SP4: variants seen among roughly 807,000 people sequenced by gnomAD.
SP4 encodes Sp4 transcription factor.
Under a neutral mutation model 72.8 loss-of-function variants are expected in SP4, and 19 were observed. That is an observed-to-expected ratio of 0.26 (90% CI 0.18 to 0.38). The LOEUF (loss-of-function observed/expected upper bound fraction) is 0.38, where lower values mean the gene tolerates loss of function less well. SP4 is among the 10% of genes least tolerant of loss of function. The pLI is 1.00. For synonymous variants in SP4, 395 were observed against 333.1 expected (o/e 1.19, Z -2.02); for missense variants, 1,008 against 926.3 (o/e 1.09, Z -1.14).
chr7:21,455,658 G>C (rs541906067), intron 3 of SP4, among the ~76,000 whole-genome samples: 3 of 152,262 alleles, frequency 2.0e-5, no homozygotes, highest in South Asian at 4.2e-4. Flanking sequence ...CATCCTTGGG[G>C]TTACGGAATG....
rs1377052627 is a variant in SP4 at position 21,477,114 on chromosome 7, C to A, written c.1714C>A (p.Gln572Lys). The change falls in exon 4 of 6, where the codon CAA (glutamine) becomes AAA (lysine). Residue 572 changes from glutamine to lysine, a missense_variant. Gln to Lys is a moderately conservative substitution (Grantham distance 53). Transcript: ENST00000222584. ...AGGACAAGATGGAGTAAAAGTCCAG[C>A]AAGCTACTATAGCTCCTGTAACTGT... is the stretch of plus-strand genomic sequence containing the variant. The part of the protein sequence containing the change: ...QQGQDGVKVQ[Q>K]ATIAPVTVAV... 1.2e-6 allele frequency: 2 copies of A among 1,613,862 alleles called. No homozygotes were observed. The highest frequency in any genetic ancestry group is 2.7e-5 in the African/African-American group (2 of 74,878).
chr7:21,472,140 A>G (rs538523451), intron 3 of SP4, among the ~76,000 whole-genome samples: 1 of 152,296 alleles, frequency 6.6e-6, no homozygotes, highest in East Asian at 1.9e-4. Context: ...GAAGGCACAG[A>G]TCTGTGAGTT....
At chr7:21,477,794 G>GC (rs1784551204) in intron 4 of SP4, among the ~76,000 whole-genome samples, 1 of 152,096 alleles carries the variant, frequency 6.6e-6, no homozygotes, top group Non-Finnish European at 1.5e-5. Flanking sequence ...ACCCACCTCA[G>GC]CCCCCCAAGT....
At chr7:21,507,216 T>C (rs1451527684) in intron 5 of SP4, among the ~76,000 whole-genome samples, 1 of 152,214 alleles carries the variant, frequency 6.6e-6, no homozygotes, top group Non-Finnish European at 1.5e-5. Flanking sequence ...ATTTCAATAC[T>C]TGCAAGAGGA....
chr7:21,431,544 A>G (rs1346120586), intron 3 of SP4, among the ~76,000 whole-genome samples: 1 of 152,240 alleles, frequency 6.6e-6, no homozygotes, highest in Admixed American at 6.5e-5. Context: ...GTGGAAAGCA[A>G]TGAAAAATGT....
At chr7:21,428,298 C>A in intron 1 of SP4, 40 bp downstream of exon 1, 1 of 1,148,428 alleles carries the variant, frequency 8.7e-7, no homozygotes, top group Non-Finnish European at 1.3e-6. Context: ...TTCGCCGCCT[C>A]CCTCTCTCCC....
chr7:21,470,741 T>C (rs1784309695), intron 3 of SP4, among the ~76,000 whole-genome samples: 1 of 127,140 alleles, frequency 7.9e-6, no homozygotes, highest in Admixed American at 8.9e-5. Context: ...GCCCAGTTTC[T>C]ATATTTGGAA....
At chr7:21,450,460 C>T (rs142711247) in intron 3 of SP4, among the ~76,000 whole-genome samples, 30 of 151,724 alleles carry the variant, frequency 2.0e-4, no homozygotes, top group African/African-American at 7.0e-4. Flanking sequence ...TTTCATTGGG[C>T]CTTCATATAA....
chr7:21,505,605 C>A (rs572059462), intron 5 of SP4, among the ~76,000 whole-genome samples: 81 of 152,184 alleles, frequency 5.3e-4, no homozygotes, highest in Non-Finnish European at 8.8e-4. Flanking sequence ...GTCTAGGGGA[C>A]ATGCCCAGAA....
At chr7:21,481,137 A>T (rs998034116) in intron 4 of SP4, among the ~76,000 whole-genome samples, 1 of 152,170 alleles carries the variant, frequency 6.6e-6, no homozygotes, top group Non-Finnish European at 1.5e-5. Flanking sequence ...ATCATGCCAC[A>T]TCCAAGGTAG....
At chr7:21,474,415 T>C (rs754437030) in intron 3 of SP4, among the ~76,000 whole-genome samples, 4 of 152,222 alleles carry the variant, frequency 2.6e-5, no homozygotes, top group Non-Finnish European at 5.9e-5. Context: ...TAGTGCTTGT[T>C]CAGACAGTAC....
At chr7:21,461,238 G>A (rs1463146638) in intron 3 of SP4, among the ~76,000 whole-genome samples, 2 of 152,184 alleles carry the variant, frequency 1.3e-5, no homozygotes, top group African/African-American at 4.8e-5. Context: ...CGGGTGCCAT[G>A]GAGCAGGGGG....
chr7:21,453,170 G>A (rs1783654399), intron 3 of SP4, among the ~76,000 whole-genome samples: 1 of 152,154 alleles, frequency 6.6e-6, no homozygotes, highest in Non-Finnish European at 1.5e-5. Flanking sequence ...AGTCATAAAA[G>A]GATTATTTTA....
intron 3 of SP4, among the ~76,000 whole-genome samples, chr7:21,466,876 G>A (rs1465613774): frequency 6.6e-6 from 1 of 151,616 alleles, no homozygotes; most frequent in East Asian, 1.9e-4. Flanking sequence ...CCAAATGTAT[G>A]TAGCTCTCTT....
At chr7:21,463,916 T>G (rs1784079997) in intron 3 of SP4, among the ~76,000 whole-genome samples, 1 of 152,190 alleles carries the variant, frequency 6.6e-6, no homozygotes, top group Admixed American at 6.5e-5. Flanking sequence ...TTTAGCCACT[T>G]AAATCTTGAT....
intron 3 of SP4, among the ~76,000 whole-genome samples, chr7:21,441,931 G>C (rs1376500415): frequency 6.6e-6 from 1 of 152,006 alleles, no homozygotes; most frequent in Non-Finnish European, 1.5e-5. Flanking sequence ...TGTTGTGGGA[G>C]ACACACTGTA....
chr7:21,433,800 C>T (rs903071636), intron 3 of SP4, among the ~76,000 whole-genome samples: 12 of 152,156 alleles, frequency 7.9e-5, no homozygotes, highest in Middle Eastern at 3.4e-3. Flanking sequence ...ATTAGCTGGG[C>T]GTGGTGGCAC....
At chr7:21,498,339 A>G (rs1781777254) in intron 5 of SP4, among the ~76,000 whole-genome samples, 1 of 152,218 alleles carries the variant, frequency 6.6e-6, no homozygotes, top group African/African-American at 2.4e-5. Flanking sequence ...AGACTTGAGC[A>G]TCAAATGATT....
At chr7:21,469,481 C>G (rs1254395280) in intron 3 of SP4, among the ~76,000 whole-genome samples, 2 of 150,722 alleles carry the variant, frequency 1.3e-5, no homozygotes, top group Non-Finnish European at 3.0e-5. Flanking sequence ...TTATTTTCAT[C>G]AAAATAGGTA....
Sources: gnomAD v4.1 joint callset for allele counts (sites outside exome capture counted in the v4.1 genomes callset) on GRCh38, gnomAD v4.1.1 for gene constraint, MANE v1.5 for transcripts, NCBI Gene and HGNC (gene_info 2026-07-23, HGNC 2026-07-21) for gene names.